Variants in PCBD2 observed in about 807,000 individuals in gnomAD.
PCBD2 encodes the protein pterin-4 alpha-carbinolamine dehydratase 2.
PCBD2 carries 12 observed loss-of-function variants against 16.4 expected under a neutral mutation model. The ratio of observed to expected loss-of-function variants is 0.73; its 90% CI spans 0.47 to 1.19. PCBD2 has a LOEUF of 1.19. Ranked by LOEUF, PCBD2 falls within the 50% of genes most tolerant of loss-of-function variation. The pLI, the probability that PCBD2 is intolerant of heterozygous loss-of-function variation, is 0.00. For missense variants in PCBD2, 138 were observed against 156.8 expected (o/e 0.88, Z 0.64); for synonymous variants, 58 against 61.8 (o/e 0.94, Z 0.29).
At position 134,942,595 on chromosome 5, in the gene PCBD2, T is replaced by C. The variant is rs1751242670; in HGVS notation, c.217-16445T>C. Among the ~76,000 whole-genome samples the C allele has an allele frequency of 2.6e-5, 4 of 152,166 alleles. 1 individual carries two copies. In the South Asian group the frequency reaches 8.3e-4, roughly 31 times the overall value. On this transcript the variant is annotated intron_variant, in intron 2 of 3. Coordinates refer to ENST00000254908, the MANE Select transcript of PCBD2 (RefSeq NM_032151.5). ...TACTACTTGATCAGAAAAGAGGCTA[T>C]TCAGGTATTGCCATTGAGATGATGA... is the stretch of plus-strand genomic sequence containing the variant.
intron 2 of PCBD2, among the ~76,000 whole-genome samples, chr5:134,931,234 G>A (rs903925181): frequency 1.3e-5 from 2 of 152,096 alleles, no homozygotes; most frequent in East Asian, 3.9e-4. Context: ...ATAACTTGGT[G>A]GTGTGCTATA....
Position 134,962,572 on chromosome 5 carries a change from C to T in PCBD2, c.*1891C>T, listed in dbSNP as rs936742527. 6.6e-6 allele frequency among the ~76,000 whole-genome samples: 1 copy of T among 152,070 alleles called. No individual in the cohort carries two copies. The highest frequency in any genetic ancestry group is 2.4e-5 in the African/African-American group (1 of 41,420). On this transcript the variant is annotated 3_prime_UTR_variant, in exon 4 of 4. Transcript: ENST00000254908. ...CTGGCCTATAACAATTCTTATGAAG[C>T]TAAAGTTGATTTGGATTTTAGCTGC...
intron 2 of PCBD2, among the ~76,000 whole-genome samples, chr5:134,939,642 C>G (rs1181089816): frequency 6.6e-6 from 1 of 152,190 alleles, no homozygotes; most frequent in East Asian, 1.9e-4. Context: ...GCAACAGCTT[C>G]ACATGAGACA....
At chr5:134,949,413 A>G (rs912250016) in intron 2 of PCBD2, among the ~76,000 whole-genome samples, 1 of 152,216 alleles carries the variant, frequency 6.6e-6, no homozygotes, top group African/African-American at 2.4e-5. Context: ...AGTGCCAGGC[A>G]TACTGTAAAG....
In PCBD2 at chr5:134,961,724, G is replaced by A. The variant is rs1430615242; in HGVS notation, c.*1043G>A. On this transcript the variant is annotated 3_prime_UTR_variant, in exon 4 of 4. Coordinates refer to ENST00000254908, the MANE Select transcript of PCBD2 (RefSeq NM_032151.5). ...AAGGTGGAAAAAGAATTAGGAACTC[G>A]ACAGATAGTGAGTTTTAACTTTAAA... 6.6e-6 allele frequency among the ~76,000 whole-genome samples: 1 copy of A among 152,064 alleles called. No homozygotes were observed. The highest frequency in any genetic ancestry group is 1.5e-5 in the Non-Finnish European group (1 of 68,010).
At chr5:134,931,167 C>T (rs1751090384) in intron 2 of PCBD2, among the ~76,000 whole-genome samples, 1 of 152,180 alleles carries the variant, frequency 6.6e-6, no homozygotes, top group African/African-American at 2.4e-5. Flanking sequence ...ATCTGCCTGC[C>T]TTGGCCTCCC....
chr5:134,956,167 TG>T (rs1330269622), intron 2 of PCBD2, among the ~76,000 whole-genome samples: 1 of 152,250 alleles, frequency 6.6e-6, no homozygotes, highest in African/African-American at 2.4e-5. Flanking sequence ...GAATAAATCC[TG>T]TGTAAATGGT....
chr5:134,909,327 C>A (rs1346797820), intron 1 of PCBD2, among the ~76,000 whole-genome samples: 1 of 152,220 alleles, frequency 6.6e-6, no homozygotes. Flanking sequence ...TACCTGTAGT[C>A]CAGAGGATCT....
At chr5:134,951,526 A>G (rs1307943664) in intron 2 of PCBD2, among the ~76,000 whole-genome samples, 1 of 152,188 alleles carries the variant, frequency 6.6e-6, no homozygotes, top group African/African-American at 2.4e-5. Flanking sequence ...AATTCCTAGA[A>G]GTATTGTTTG....
At chr5:134,954,785 A>G (rs1333821577) in intron 2 of PCBD2, among the ~76,000 whole-genome samples, 1 of 151,562 alleles carries the variant, frequency 6.6e-6, no homozygotes, top group African/African-American at 2.4e-5. Flanking sequence ...TCTGTCACCC[A>G]GGCTGGAGTG....
chr5:134,933,485 C>G (rs921311938), intron 2 of PCBD2, among the ~76,000 whole-genome samples: 5 of 152,240 alleles, frequency 3.3e-5, no homozygotes, highest in African/African-American at 1.2e-4. Context: ...GTCCACCCAC[C>G]TCAGCCTCCC....
At chr5:134,959,211 T>C in intron 3 of PCBD2, 91 bp downstream of exon 3, 1 of 942,778 alleles carries the variant, frequency 1.1e-6, no homozygotes, top group Admixed American at 2.5e-5. Flanking sequence ...TAAATGTCAT[T>C]GTACTTAAGA....
At chr5:134,953,945 G>T (rs1425389566) in intron 2 of PCBD2, among the ~76,000 whole-genome samples, 1 of 151,900 alleles carries the variant, frequency 6.6e-6, no homozygotes, top group South Asian at 2.1e-4. Flanking sequence ...TTCAGTCCTA[G>T]TGCTTATGTT....
At chr5:134,924,125 G>C (rs1229902421) in intron 2 of PCBD2, 1 of 398,054 alleles carries the variant, frequency 2.5e-6, no homozygotes, top group Non-Finnish European at 4.5e-6. Context: ...CAAGAATAAT[G>C]ATGTATGCTT....
intron 2 of PCBD2, among the ~76,000 whole-genome samples, chr5:134,953,978 C>T (rs926739988): frequency 6.6e-6 from 1 of 151,964 alleles, no homozygotes; most frequent in Non-Finnish European, 1.5e-5. Context: ...TAATCAGATA[C>T]AGAGTCTTGC....
chr5:134,916,395 A>G (rs531357205), intron 2 of PCBD2, among the ~76,000 whole-genome samples: 17 of 152,272 alleles, frequency 1.1e-4, no homozygotes, highest in East Asian at 3.9e-4. Flanking sequence ...TTTTAATACA[A>G]TTTTCAGGAG....
Position 134,920,012 on chromosome 5 carries a change from G to A in PCBD2, c.216+9546G>A, listed in dbSNP as rs1027177797. Among the ~76,000 whole-genome samples the A allele has an allele frequency of 2.6e-5, 4 of 152,162 alleles. No individual in the cohort carries two copies. In the East Asian group the frequency reaches 5.8e-4, roughly 22 times the overall value. The stretch of plus-strand genomic sequence containing the variant: ...ACTCACATTCCTGTGGCTGGGTAGC[G>A]GCCAGTTGCTTTCTGCCCTCAGGAG... On this transcript the variant is annotated intron_variant, in intron 2 of 3. Transcript: ENST00000254908.
intron 2 of PCBD2, among the ~76,000 whole-genome samples, chr5:134,913,284 A>C (rs1750789580): frequency 6.6e-6 from 1 of 152,166 alleles, no homozygotes; most frequent in South Asian, 2.1e-4. Context: ...AGGGAATTGG[A>C]GTGGAGGGGG....
intron 2 of PCBD2, among the ~76,000 whole-genome samples, chr5:134,952,263 C>G (rs2149539934): frequency 1.3e-5 from 2 of 150,338 alleles, no homozygotes; most frequent in South Asian, 2.1e-4. Context: ...AGAATATATT[C>G]TATCGTATTA....
Sources: gnomAD v4.1 joint callset for allele counts (sites outside exome capture counted in the v4.1 genomes callset) on GRCh38, gnomAD v4.1.1 for gene constraint, MANE v1.5 for transcripts, NCBI Gene and HGNC (gene_info 2026-07-23, HGNC 2026-07-21) for gene names.